Variants in HECA observed in about 807,000 individuals in gnomAD.
The protein encoded by HECA is HECA ribonucleoprotein granule regulator, also known as headcase protein homolog.
HECA carries 13 observed loss-of-function variants against 37.6 expected under a neutral mutation model. The observed-to-expected ratio is 0.35, with a 90% CI of 0.23 to 0.55. The LOEUF is 0.55. HECA is among the 20% of genes least tolerant of loss of function. The pLI is 0.90. For missense variants in HECA, 527 were observed against 701.9 expected (o/e 0.75, Z 2.82); for synonymous variants, 307 against 291.5 (o/e 1.05, Z -0.54).
In HECA at chr6:139,166,728, T is replaced by TC; in HGVS notation, c.721dup (p.Arg241ProfsTer83). On this transcript the variant is annotated frameshift_variant, in exon 2 of 4. Transcript: ENST00000367658. LOFTEE classifies it high-confidence loss of function. Reference sequence around the variant, plus strand: ...CCCCAGAAAGGCCCAAGCCACGACCTCCCCCGCCGGCATTCCATGGACCGG... The same window carrying TC: ...CCCCAGAAAGGCCCAAGCCACGACCTCCCCCCGCCGGCATTCCATGGACCGG... The TC allele has an allele frequency of 6.2e-7, 1 of 1,609,136 alleles. No homozygotes were observed. The highest frequency in any genetic ancestry group is 1.1e-5 in the South Asian group (1 of 90,776).
chr6:139,171,578 G>T (rs1294448670), intron 2 of HECA, among the ~76,000 whole-genome samples: 2 of 152,164 alleles, frequency 1.3e-5, no homozygotes, highest in African/African-American at 4.8e-5. Context: ...TGTAAATCAT[G>T]TCTTCAATCA....
intron 1 of HECA, among the ~76,000 whole-genome samples, chr6:139,160,842 CA>C (rs1295666688): frequency 3.3e-5 from 5 of 152,208 alleles, no homozygotes; most frequent in African/African-American, 1.2e-4. Context: ...AGCATATAAG[CA>C]AACATTTTTA....
chr6:139,147,676 T>C (rs1010088528), intron 1 of HECA, among the ~76,000 whole-genome samples: 1 of 152,166 alleles, frequency 6.6e-6, no homozygotes, highest in Non-Finnish European at 1.5e-5. Context: ...AACAAGAAAA[T>C]ACTTGACCCA....
chr6:139,136,460 G>A (rs967443278), intron 1 of HECA, among the ~76,000 whole-genome samples: 1 of 151,984 alleles, frequency 6.6e-6, no homozygotes, highest in African/African-American at 2.4e-5. Flanking sequence ...TCGTTATAAG[G>A]TGCTGGGCAA....
chr6:139,135,621 C>CGCCGCGGCCGCCGCGGGG lies in HECA; in HGVS notation c.227_228insCGCGGCCGCCGCGGGGGC (p.Ala80_Ala85dup), dbSNP rs1774423581. 5.2e-6 allele frequency: 5 copies of CGCCGCGGCCGCCGCGGGG among 962,612 alleles called. No individual in the cohort carries two copies. In the African/African-American group the frequency reaches 9.0e-5, roughly 17 times the overall value. 59.6% of individuals were successfully genotyped at this position (962,612 alleles called of 1,614,324 possible). A position where few individuals can be genotyped will look rare whatever the true frequency, so the allele number is the denominator to read the frequency against. ...GAGGCGCGGGGACTGGCGCCGCGAA[C>CGCCGCGGCCGCCGCGGGG]GCTGCGGCCGCCGCGGGGGCTGCGG... On this transcript the variant is annotated inframe_insertion, in exon 1 of 4. Transcript: ENST00000367658.
chr6:139,168,151 T>C (rs1353808347), intron 2 of HECA, among the ~76,000 whole-genome samples: 4 of 152,216 alleles, frequency 2.6e-5, no homozygotes, highest in African/African-American at 9.7e-5. Flanking sequence ...GTTTTTGACA[T>C]CGTGATTGTA....
chr6:139,149,626 G>T (rs186987331), intron 1 of HECA, among the ~76,000 whole-genome samples: 48 of 152,082 alleles, frequency 3.2e-4, no homozygotes, highest in African/African-American at 4.6e-4. Flanking sequence ...CTGCTGCTTT[G>T]GGGGGAGCCT....
intron 1 of HECA, among the ~76,000 whole-genome samples, chr6:139,138,968 T>C (rs1774483227): frequency 6.6e-6 from 1 of 152,244 alleles, no homozygotes; most frequent in Admixed American, 6.5e-5. Flanking sequence ...CGTAGTTTCA[T>C]TCTGGTTCCA....
chr6:139,163,580 C>T (rs1582944233), intron 1 of HECA, among the ~76,000 whole-genome samples: 1 of 152,230 alleles, frequency 6.6e-6, no homozygotes, highest in East Asian at 1.9e-4. Context: ...TATCGAACTC[C>T]TGACCTCAGG....
At chr6:139,173,555 G>C (rs750530062) in intron 2 of HECA, among the ~76,000 whole-genome samples, 1 of 152,174 alleles carries the variant, frequency 6.6e-6, no homozygotes, top group Non-Finnish European at 1.5e-5. Context: ...AGGATTATGT[G>C]TTCTCCTGAT....
Position 139,141,753 on chromosome 6 carries a change from C to CTT in HECA, c.271+6103_271+6104dup, listed in dbSNP as rs200706578. Among the ~76,000 whole-genome samples, 25 of 78,186 alleles carry CTT rather than the reference C, an allele frequency of 3.2e-4. No homozygotes were observed. The South Asian group carries it at 4.1e-3, about 13-fold the overall frequency. 51.3% of individuals were successfully genotyped at this position (78,186 alleles called of 152,430 possible). A position where few individuals can be genotyped will look rare whatever the true frequency, so the allele number is the denominator to read the frequency against. On this transcript the variant is annotated intron_variant, in intron 1 of 3. Coordinates refer to ENST00000367658, the MANE Select transcript of HECA (RefSeq NM_016217.3). Reference sequence around the variant, plus strand: ...AGAGCCCTCATGGCCTAAACACCTTCTTTTTTTTTTTTTTTTTTGAGACAG... The same window carrying CTT: ...AGAGCCCTCATGGCCTAAACACCTTCTTTTTTTTTTTTTTTTTTTTGAGACAG...
intron 2 of HECA, among the ~76,000 whole-genome samples, chr6:139,168,602 A>G (rs1455656940): frequency 6.6e-6 from 1 of 151,906 alleles, no homozygotes; most frequent in East Asian, 1.9e-4. Context: ...TGGTGCACTC[A>G]GGACCTGGTG....
chr6:139,168,657 T>C (rs940516151), intron 2 of HECA, among the ~76,000 whole-genome samples: 2 of 152,128 alleles, frequency 1.3e-5, no homozygotes, highest in African/African-American at 4.8e-5. Flanking sequence ...TTCTGTCCTA[T>C]TTTTAAAAAT....
intron 1 of HECA, chr6:139,165,889 T>C (rs1443862938): frequency 6.1e-6 from 1 of 164,838 alleles, no homozygotes; most frequent in Non-Finnish European, 1.3e-5. Flanking sequence ...GGAAGAATTC[T>C]GGTTTTTTCC....
chr6:139,150,615 A>C (rs2114447294), intron 1 of HECA, among the ~76,000 whole-genome samples: 1 of 151,926 alleles, frequency 6.6e-6, no homozygotes, highest in Admixed American at 6.5e-5. Context: ...TGTTGAATAT[A>C]ATCATAGGTA....
intron 1 of HECA, among the ~76,000 whole-genome samples, chr6:139,143,807 G>A (rs1774545721): frequency 6.6e-6 from 1 of 151,418 alleles, no homozygotes; most frequent in Non-Finnish European, 1.5e-5. Context: ...ATTGCAGTGA[G>A]CCGAGATTGC....
intron 1 of HECA, among the ~76,000 whole-genome samples, chr6:139,155,931 GCCATT>G (rs1457140097): frequency 6.6e-6 from 1 of 152,142 alleles, no homozygotes; most frequent in Non-Finnish European, 1.5e-5. Context: ...TATGTGTGAA[GCCATT>G]TCATATTTTC....
rs144552559 is a variant in HECA at position 139,166,993 on chromosome 6, G to A, written c.981G>A (p.Ala327=). ...FRNAHFDYSP[A]GLAVHRGGHF... is the part of the protein sequence containing the mutation. ...ATGCCCACTTTGATTACAGCCCTGC[G>A]GGGTTGGCAGTTCACAGGGGGGGAC... Residue 327 remains alanine (A), a synonymous_variant, in exon 2 of 4, where the codon GCG becomes GCA. Coordinates refer to ENST00000367658, the MANE Select transcript of HECA (RefSeq NM_016217.3). 1.9e-6 allele frequency: 3 copies of A among 1,614,220 alleles called. No individual in the cohort carries two copies. Among genetic ancestry groups the A allele is most frequent in the Admixed American group, 1.7e-5 (1 of 60,026 alleles).
In HECA at chr6:139,167,108, G is replaced by A. The variant is rs759180001; in HGVS notation, c.1096G>A (p.Val366Met). Reference protein sequence around the residue: ...IPRHKLNTFHVRMEDDAQVGQ... With the variant: ...IPRHKLNTFHMRMEDDAQVGQ... The stretch of plus-strand genomic sequence containing the variant: ...CAGGCATAAGCTGAACACTTTCCAC[G>A]TGCGCATGGAAGACGATGCCCAAGT... The change falls in exon 2 of 4, where the codon GTG becomes ATG. Residue 366 changes from valine to methionine, a missense_variant. Physicochemically the swap from Val to Met is conservative, Grantham distance 21 (BLOSUM62 1). This residue lies in a region of HECA where 228 missense variants were observed against 259.8 expected (regional missense o/e 0.88). Transcript: ENST00000367658. The A allele has an allele frequency of 5.6e-6, 9 of 1,614,166 alleles. No individual in the cohort carries two copies. The highest frequency in any genetic ancestry group is 1.1e-5 in the South Asian group (1 of 91,090).
Sources: allele counts gnomAD v4.1 joint callset (sites outside exome capture counted in the v4.1 genomes callset), GRCh38; gene constraint gnomAD v4.1.1; regional missense constraint gnomAD v4.1.1; transcripts MANE v1.5; gene names NCBI Gene and HGNC (gene_info 2026-07-23, HGNC 2026-07-21).